The following PMEPA1 variants were observed in gnomAD, a reference collection of about 807,000 sequenced individuals.
PMEPA1 encodes prostate transmembrane protein, androgen induced 1.
A neutral mutation model predicts 23.0 loss-of-function variants in PMEPA1; 11 were observed. That is an observed-to-expected ratio of 0.48 (90% CI 0.30 to 0.79). The LOEUF (loss-of-function observed/expected upper bound fraction) is 0.79. PMEPA1 is among the 30% of genes least tolerant of loss of function. The probability of loss-of-function intolerance (pLI) is 0.06; values close to 1 mark genes in which losing one functional copy is unlikely to be tolerated. For synonymous variants in PMEPA1, 204 were observed against 166.4 expected (o/e 1.23, Z -1.74); for missense variants, 377 against 390.9 (o/e 0.96, Z 0.30).
At chr20:57,700,549 T>C (rs2071997813) in intron 1 of PMEPA1, among the ~76,000 whole-genome samples, 1 of 152,152 alleles carries the variant, frequency 6.6e-6, no homozygotes, top group African/African-American at 2.4e-5. Flanking sequence ...TAAGGAGGAT[T>C]GCGAGGTGTT....
intron 1 of PMEPA1, among the ~76,000 whole-genome samples, chr20:57,708,973 A>G (rs1279401564): frequency 6.6e-6 from 1 of 151,426 alleles, no homozygotes; most frequent in East Asian, 1.9e-4. Flanking sequence ...AGCCACGCAC[A>G]CTCCACAGAC....
At chr20:57,660,391 G>T (rs1387021774) in intron 1 of PMEPA1, among the ~76,000 whole-genome samples, 2 of 145,710 alleles carry the variant, frequency 1.4e-5, no homozygotes, top group Non-Finnish European at 3.0e-5. Flanking sequence ...CTAAGTACAC[G>T]TCAACACCAA....
upstream of PMEPA1, chr20:57,710,527 T>C (rs115546400): frequency 1.0e-3 from 1,631 of 1,565,896 alleles, 18 homozygotes; most frequent in African/African-American, 0.02. Context: ...CATGGCCCAC[T>C]GAACCCCCAA....
intron 1 of PMEPA1, among the ~76,000 whole-genome samples, chr20:57,671,122 C>A (rs2071562159): frequency 6.6e-6 from 1 of 152,174 alleles, no homozygotes; most frequent in Non-Finnish European, 1.5e-5. Flanking sequence ...TTGCTATTAT[C>A]CAAATGGAAA....
intron 1 of PMEPA1, among the ~76,000 whole-genome samples, chr20:57,707,881 G>A (rs901633016): frequency 2.6e-5 from 4 of 152,278 alleles, no homozygotes; most frequent in Non-Finnish European, 2.9e-5. Flanking sequence ...TAACATTCTC[G>A]TGCATTTCAT....
intron 1 of PMEPA1, among the ~76,000 whole-genome samples, chr20:57,660,736 C>A (rs111169158): frequency 0.026 from 3,915 of 148,478 alleles, 139 homozygotes; most frequent in African/African-American, 0.074. Context: ...CCTAACACTC[C>A]TACACACACA....
Position 57,656,724 on chromosome 20 carries a change from T to C in PMEPA1, c.264+2819A>G, listed in dbSNP as rs557592875. 6.6e-6 allele frequency among the ~76,000 whole-genome samples: 1 copy of C among 152,118 alleles called. No individual in the cohort carries two copies. Among genetic ancestry groups the C allele is most frequent in the African/African-American group, 2.4e-5 (1 of 41,524 alleles). ...TCAGAGCTCAGGGTCTTACCTGAGA[T>C]GGTGAGGCAGGTGGGTGAGGCACGA... On this transcript the variant is annotated intron_variant, in intron 2 of 3. Transcript: ENST00000341744. The surrounding 1 kb of genome is among the most constrained non-coding windows in gnomAD (Gnocchi z 4.7).
chr20:57,706,254 G>A (rs904834420), intron 1 of PMEPA1, among the ~76,000 whole-genome samples: 3 of 152,150 alleles, frequency 2.0e-5, no homozygotes, highest in Admixed American at 6.5e-5. Context: ...CATCCATCTG[G>A]GCCCCAGAAG....
intron 1 of PMEPA1, among the ~76,000 whole-genome samples, chr20:57,705,374 A>G (rs2072067428): frequency 6.6e-6 from 1 of 152,144 alleles, no homozygotes; most frequent in South Asian, 2.1e-4. Context: ...TTGCACCACA[A>G]CCTAAAACCC....
Position 57,683,332 on chromosome 20 carries a change from A to G in PMEPA1, c.110-23635T>C, listed in dbSNP as rs967724541. ...CTGTTGCCATTCAGTTCTCTATGCC[A>G]TGCTGGCCTGGTGACTTGGGTTAAT... On this transcript the variant is annotated intron_variant, in intron 1 of 3. Coordinates refer to ENST00000341744, the MANE Select transcript of PMEPA1 (RefSeq NM_020182.5). The surrounding 1 kb of genome is among the most constrained non-coding windows in gnomAD (Gnocchi z 4.3). 1.3e-5 allele frequency among the ~76,000 whole-genome samples: 2 copies of G among 152,218 alleles called. No homozygotes were observed. Among genetic ancestry groups the G allele is most frequent in the African/African-American group, 4.8e-5 (2 of 41,452 alleles).
At chr20:57,673,231 C>T (rs949673909) in intron 1 of PMEPA1, among the ~76,000 whole-genome samples, 1 of 151,892 alleles carries the variant, frequency 6.6e-6, no homozygotes, top group African/African-American at 2.4e-5. Context: ...GGTGCCTGCC[C>T]TCCTCCTGCT....
chr20:57,710,051 CG>C, upstream of PMEPA1: 1 of 999,378 alleles, frequency 1.0e-6, no homozygotes, highest in African/African-American at 1.7e-5. Flanking sequence ...TCCCACCGCG[CG>C]GGGGCCGGGG....
intron 1 of PMEPA1, among the ~76,000 whole-genome samples, chr20:57,693,435 C>A (rs1454093702): frequency 6.6e-6 from 1 of 152,202 alleles, no homozygotes; most frequent in African/African-American, 2.4e-5. Flanking sequence ...GCCAGACAGG[C>A]GGCAGAACTT....
intron 1 of PMEPA1, among the ~76,000 whole-genome samples, chr20:57,698,545 AT>A (rs2071971363): frequency 6.6e-6 from 1 of 152,244 alleles, no homozygotes; most frequent in Non-Finnish European, 1.5e-5. Flanking sequence ...GAACAAAGAA[AT>A]TACTCAGGGT....
upstream of PMEPA1, chr20:57,710,366 T>C: frequency 2.2e-6 from 3 of 1,335,394 alleles, no homozygotes; most frequent in Non-Finnish European, 3.0e-6. Flanking sequence ...CCCAGGCTCT[T>C]GGGGCTAGCC....
chr20:57,688,403 A>ACCTACTAGACG (rs1401504769), intron 1 of PMEPA1, among the ~76,000 whole-genome samples: 1 of 151,928 alleles, frequency 6.6e-6, no homozygotes, highest in Non-Finnish European at 1.5e-5. Flanking sequence ...CCTGGCCTCT[A>ACCTACTAGACG]CCTACTAGAC....
chr20:57,688,069 C>A (rs1295034514), intron 1 of PMEPA1, among the ~76,000 whole-genome samples: 1 of 152,220 alleles, frequency 6.6e-6, no homozygotes, highest in Non-Finnish European at 1.5e-5. Flanking sequence ...CCTCTGCCCT[C>A]ATCTCGGGAC....
intron 1 of PMEPA1, among the ~76,000 whole-genome samples, chr20:57,680,102 C>G (rs1288923012): frequency 3.3e-5 from 5 of 152,222 alleles, no homozygotes; most frequent in Non-Finnish European, 2.9e-5. Flanking sequence ...CCCCAGGGAA[C>G]CGTCGGGGGA....
At position 57,656,188 on chromosome 20, in the gene PMEPA1, AG is replaced by A. The variant is rs1392485476; in HGVS notation, c.265-3103del. Among the ~76,000 whole-genome samples the A allele has an allele frequency of 6.6e-6, 1 of 150,496 alleles. No homozygotes were observed. The highest frequency in any genetic ancestry group is 1.5e-5 in the Non-Finnish European group (1 of 67,294). ...AAAATTCGGTACCTCCCATGTCCTC[AG>A]GAGATACTGAATTCCCCCACAGCCC... On this transcript the variant is annotated intron_variant, in intron 2 of 3. Coordinates refer to ENST00000341744, the MANE Select transcript of PMEPA1 (RefSeq NM_020182.5). The surrounding 1 kb of genome is among the most constrained non-coding windows in gnomAD (Gnocchi z 4.7).
Sources: gnomAD v4.1 joint callset for allele counts (sites outside exome capture counted in the v4.1 genomes callset) on GRCh38, gnomAD v4.1.1 for gene constraint, Gnocchi (gnomAD v3.1) non-coding constraint, MANE v1.5 for transcripts, NCBI Gene and HGNC (gene_info 2026-07-23, HGNC 2026-07-21) for gene names.